The following RAB5C variants were observed in gnomAD, a reference collection of about 807,000 sequenced individuals.
The protein encoded by RAB5C is RAB5C, member RAS oncogene family, also known as ras-related protein Rab-5C.
A neutral mutation model predicts 25.2 loss-of-function variants in RAB5C; 4 were observed. The ratio of observed to expected loss-of-function variants is 0.16; its 90% confidence interval spans 0.08 to 0.36. The LOEUF is 0.36. Among genes scored for constraint, RAB5C ranks in the 10% least tolerant of loss-of-function variants. RAB5C has a pLI of 1.00. For synonymous variants in RAB5C, 100 were observed against 106.4 expected (o/e 0.94, Z 0.37); for missense variants, 199 against 283.8 (o/e 0.70, Z 2.15).
intron 1 of RAB5C, among the ~76,000 whole-genome samples, chr17:42,147,018 CAGAA>C (rs1256303325): frequency 9.0e-4 from 65 of 71,912 alleles, no homozygotes; most frequent in African/African-American, 8.7e-3. Context: ...GAAAGAAAGA[CAGAA>C]AGAAAGACAG....
At chr17:42,147,868 G>A (rs1451426776) in intron 1 of RAB5C, among the ~76,000 whole-genome samples, 7 of 152,026 alleles carry the variant, frequency 4.6e-5, no homozygotes, top group South Asian at 2.1e-4. Flanking sequence ...AGGCCGAGGC[G>A]GGTGGATCAC....
At chr17:42,131,894 A>C in intron 1 of RAB5C, 1 of 342,870 alleles carries the variant, frequency 2.9e-6, no homozygotes, top group Non-Finnish European at 5.4e-6. Flanking sequence ...TATATACAGA[A>C]TGTTTTACAA....
At chr17:42,147,719 G>A (rs1030353512) in intron 1 of RAB5C, among the ~76,000 whole-genome samples, 1 of 152,224 alleles carries the variant, frequency 6.6e-6, no homozygotes, top group Non-Finnish European at 1.5e-5. Context: ...GGCTCAAGCT[G>A]TGGGATCAGA....
intron 1 of RAB5C, among the ~76,000 whole-genome samples, chr17:42,135,453 T>G (rs990840639): frequency 2.0e-5 from 3 of 152,008 alleles, no homozygotes; most frequent in Admixed American, 6.6e-5. Context: ...TTAGAATCTC[T>G]AGAGGTGGAG....
At chr17:42,129,819 C>T (rs777905065) in intron 2 of RAB5C, among the ~76,000 whole-genome samples, 4 of 152,190 alleles carry the variant, frequency 2.6e-5, no homozygotes, top group South Asian at 2.1e-4. Context: ...GGCAAGAGGC[C>T]GAGGCCAGAC....
In RAB5C at chr17:42,125,490, C is replaced by G. The variant is rs1179751123; in HGVS notation, c.*293G>C. The G allele has an allele frequency of 1.7e-5, 6 of 344,234 alleles. No homozygotes were observed. The highest frequency in any genetic ancestry group is 1.3e-4 in the African/African-American group (6 of 46,924). 21.3% of individuals were successfully genotyped at this position (344,234 alleles called of 1,614,324 possible). ...GGGGGGCAAGAGCATGTGGCTACTC[C>G]CAGCAAGGGAAAATGGGAGAGCAGT... On this transcript the variant is annotated 3_prime_UTR_variant, in exon 6 of 6. Transcript: ENST00000346213.
chr17:42,128,522 A>AGGCCCTGGGGGGGGGGGGGGGGGGGGGGG, intron 3 of RAB5C, 127 bp downstream of exon 3: 1 of 1,277,900 alleles, frequency 7.8e-7, no homozygotes, highest in Non-Finnish European at 1.1e-6. Flanking sequence ...GTCCCCAAAC[A>AGGCCCTGGGGGGGGGGGGGGGGGGGGGGG]GGAAATCTGC....
chr17:42,145,024 G>A (rs1426623340), intron 1 of RAB5C, among the ~76,000 whole-genome samples: 2 of 144,506 alleles, frequency 1.4e-5, no homozygotes, highest in African/African-American at 5.1e-5. Context: ...AATTAGCCGG[G>A]TGTGGTGGCG....
chr17:42,136,548 T>C (rs2054538474), intron 1 of RAB5C: 1 of 152,224 alleles, frequency 6.6e-6, no homozygotes, highest in African/African-American at 2.4e-5. Context: ...CAAGTGATCA[T>C]TATCAGCTTC....
chr17:42,134,646 T>G (rs1014909773), intron 1 of RAB5C, among the ~76,000 whole-genome samples: 8 of 152,188 alleles, frequency 5.3e-5, no homozygotes, highest in Non-Finnish European at 7.3e-5. Context: ...GGAGAAAGAT[T>G]CTCCTTGCCA....
chr17:42,125,874 G>C lies in RAB5C; in HGVS notation c.560C>G (p.Pro187Arg). Residue 187 changes from proline to arginine, a missense_variant, in exon 6 of 6, where the codon CCC becomes CGC. Physicochemically the swap from Pro to Arg is moderately radical, Grantham distance 103. This residue lies in a region of RAB5C where 154 missense variants were observed against 199.6 expected (regional missense o/e 0.77). Transcript: ENST00000346213. ...AIAKKLPKNE[P>R]QNATGAPGRN... is the part of the protein sequence containing the mutation. ...GCCTGGAGCACCAGTTGCATTCTGG[G>C]GCTCGTTCTTGGGAAGCTTCTTAGC... 6.2e-7 allele frequency: 1 copy of C among 1,611,316 alleles called. No homozygotes were observed. The highest frequency in any genetic ancestry group is 8.5e-7 in the Non-Finnish European group (1 of 1,178,898).
intron 3 of RAB5C, 119 bp downstream of exon 3, chr17:42,128,530 T>TGGGGGGGGGGGGGG: frequency 2.7e-6 from 2 of 730,792 alleles, no homozygotes; most frequent in Non-Finnish European, 4.1e-6. Context: ...ACAGGAAATC[T>TGGGGGGGGGGGGGG]GCCCACCCCC....
chr17:42,148,125 G>A (rs554175773), intron 1 of RAB5C, among the ~76,000 whole-genome samples: 112 of 152,018 alleles, frequency 7.4e-4, no homozygotes, highest in African/African-American at 2.4e-3. Flanking sequence ...AAAGAAGTGG[G>A]CAAGGCTGGG....
intron 1 of RAB5C, 35 bp from the exon 2 acceptor site, chr17:42,130,625 C>T (rs2054475694): frequency 2.7e-6 from 4 of 1,498,336 alleles, no homozygotes; most frequent in Non-Finnish European, 3.6e-6. Context: ...TGAGTTAGTT[C>T]AGAGGCCGTC....
At chr17:42,140,499 ATATATATATATATATATT>A (rs2054582281) in intron 1 of RAB5C, among the ~76,000 whole-genome samples, 1 of 41,540 alleles carries the variant, frequency 2.4e-5, no homozygotes, top group Non-Finnish European at 3.9e-5. Context: ...ATATATATAT[ATATATATATATATATATT>A]TTTTTTTTTT....
chr17:42,126,677 G>T, intron 5 of RAB5C, 78 bp downstream of exon 5: 2 of 404,898 alleles, frequency 4.9e-6, no homozygotes, highest in Non-Finnish European at 4.9e-6. Context: ...AAGGGACCCC[G>T]CAGGCCCACT....
At chr17:42,133,191 G>A (rs774087894) in intron 1 of RAB5C, among the ~76,000 whole-genome samples, 1 of 152,182 alleles carries the variant, frequency 6.6e-6, no homozygotes, top group Non-Finnish European at 1.5e-5. Context: ...TTACAAGTTG[G>A]TTATTACCAT....
In RAB5C at chr17:42,137,214, G is replaced by A. The variant is rs535824740; in HGVS notation, c.-88-6624C>T. ...CCAGCTACTTGGGAGGCTGAGGCAG[G>A]AGAATCACTTGAACCCAGGAGACAG... On this transcript the variant is annotated intron_variant, in intron 1 of 5. Transcript: ENST00000346213. Among the ~76,000 whole-genome samples the A allele has an allele frequency of 7.9e-5, 12 of 151,908 alleles. No individual in the cohort carries two copies. The East Asian group carries it at 2.1e-3, about 27-fold the overall frequency.
At chr17:42,153,242 C>T (rs1241526673) in intron 1 of RAB5C, among the ~76,000 whole-genome samples, 1 of 152,086 alleles carries the variant, frequency 6.6e-6, no homozygotes, top group Non-Finnish European at 1.5e-5. Flanking sequence ...ATGGCGAAAC[C>T]CCATCTCTAC....
Sources: allele counts gnomAD v4.1 joint callset (sites outside exome capture counted in the v4.1 genomes callset), GRCh38; gene constraint gnomAD v4.1.1; regional missense constraint gnomAD v4.1.1; transcripts MANE v1.5; gene names NCBI Gene and HGNC (gene_info 2026-07-23, HGNC 2026-07-21).